SCML2: variants seen among roughly 807,000 people sequenced by gnomAD.
SCML2 encodes sex comb on midleg-like protein 2.
In SCML2, 6 loss-of-function variants were observed where a neutral mutation model predicts 48.4. The ratio of observed to expected loss-of-function variants is 0.12; its 90% CI spans 0.07 to 0.24. The LOEUF is 0.24. Among genes scored for constraint, SCML2 ranks in the 10% least tolerant of loss-of-function variants. The pLI, the probability that SCML2 is intolerant of heterozygous loss-of-function variation, is 1.00. For missense variants in SCML2, 377 were observed against 528.2 expected (o/e 0.71, Z 2.81); for synonymous variants, 181 against 189.5 (o/e 0.95, Z 0.37).
intron 7 of SCML2, among the ~76,000 whole-genome samples, chrX:18,276,404 T>C (rs1340403899): frequency 8.9e-6 from 1 of 111,770 alleles, no homozygotes; most frequent in Admixed American, 9.4e-5. Context: ...TGAAAAGACG[T>C]ACTCATATAT....
rs770888184 is a variant in SCML2 at position 18,337,305 on chromosome X, C to CAAA, written c.-24-3213_-24-3211dup. Among the ~76,000 whole-genome samples the CAAA allele has an allele frequency of 9.9e-4, 5 of 5,055 alleles. 1 individual carries two copies. Among genetic ancestry groups the CAAA allele is most frequent in the African/African-American group, 1.8e-3 (3 of 1,713 alleles). The allele number at this position is 5,055 out of a possible 115,157, so 4.4% of individuals were successfully genotyped here. On this transcript the variant is annotated intron_variant, in intron 1 of 14. Coordinates refer to ENST00000251900, the MANE Select transcript of SCML2 (RefSeq NM_006089.3). ...TGGGCGACAGAGCAAGACTCTGTCT[C>CAAA]AAAAAAAAAAAAAAAAAAAAAAAAA...
intron 7 of SCML2, among the ~76,000 whole-genome samples, chrX:18,302,150 T>C (rs1016238963): frequency 9.0e-6 from 1 of 110,898 alleles, no homozygotes; most frequent in Non-Finnish European, 1.9e-5. Context: ...TTTTCTTTTT[T>C]TTTTCTTTTT....
chrX:18,283,835 A>G (rs1010433909), intron 7 of SCML2, among the ~76,000 whole-genome samples: 4 of 112,510 alleles, frequency 3.6e-5, no homozygotes, highest in African/African-American at 9.7e-5. Context: ...TGGAAGACTC[A>G]ATATCATTAA....
At chrX:18,323,578 T>C (rs765632211) in intron 5 of SCML2, among the ~76,000 whole-genome samples, 26 of 111,711 alleles carry the variant, frequency 2.3e-4, no homozygotes, top group Non-Finnish European at 4.3e-4. Flanking sequence ...GCATATGTAA[T>C]CTAGTAGAGC....
At chrX:18,324,137 G>A (rs894827546) in intron 4 of SCML2, 44 bp from the exon 5 acceptor site, 7 of 850,112 alleles carry the variant, frequency 8.2e-6, no homozygotes, top group Non-Finnish European at 1.2e-5. Context: ...TCAACTATAA[G>A]AGAAGACACA....
chrX:18,266,848 A>T (rs1300545756), intron 7 of SCML2, among the ~76,000 whole-genome samples: 2 of 111,907 alleles, frequency 1.8e-5, no homozygotes, highest in African/African-American at 6.5e-5. Flanking sequence ...GGAACAGCCT[A>T]TCCTGAGCTG....
At chrX:18,244,297 TA>T (rs1419408960) in intron 13 of SCML2, among the ~76,000 whole-genome samples, 6 of 111,516 alleles carry the variant, frequency 5.4e-5, no homozygotes, top group African/African-American at 1.9e-4. Flanking sequence ...AGACACAACA[TA>T]ACATGAAAAA....
At chrX:18,290,592 C>T (rs143960337) in intron 7 of SCML2, among the ~76,000 whole-genome samples, 1,445 of 111,591 alleles carry the variant, frequency 0.013, 8 homozygotes, top group Middle Eastern at 0.037. Flanking sequence ...AAACTTTGAA[C>T]ATCCCATAAT....
At chrX:18,316,340 G>C (rs773712147) in intron 6 of SCML2, among the ~76,000 whole-genome samples, 317 of 111,944 alleles carry the variant, frequency 2.8e-3, no homozygotes, top group African/African-American at 9.7e-3. Context: ...AGTGAGCTGA[G>C]GTCACGCCAC....
intron 11 of SCML2, among the ~76,000 whole-genome samples, chrX:18,255,751 G>A (rs1490183327): frequency 8.9e-6 from 1 of 112,856 alleles, no homozygotes; most frequent in Non-Finnish European, 1.9e-5. Context: ...AGCTAGAGAC[G>A]TGGTACCCAC....
intron 1 of SCML2, among the ~76,000 whole-genome samples, chrX:18,337,370 A>C (rs1693994616): frequency 9.3e-6 from 1 of 107,121 alleles, no homozygotes; most frequent in Non-Finnish European, 1.9e-5. Context: ...AAAAAAAAAA[A>C]AACTTTAAAT....
chrX:18,247,735 C>A (rs1426372613), intron 12 of SCML2, 34 bp downstream of exon 12: 1 of 1,006,182 alleles, frequency 9.9e-7, no homozygotes, highest in Non-Finnish European at 1.4e-6. Flanking sequence ...AGAAACATTT[C>A]TTCCCAGTCC....
intron 5 of SCML2, 57 bp from the exon 6 acceptor site, chrX:18,320,477 A>C: frequency 1.4e-6 from 1 of 725,526 alleles, no homozygotes; most frequent in Non-Finnish European, 2.0e-6. Flanking sequence ...TACTATTAAC[A>C]AGTTGGTATA....
chrX:18,248,937 C>A (rs1256471304), intron 11 of SCML2, among the ~76,000 whole-genome samples: 2 of 111,848 alleles, frequency 1.8e-5, no homozygotes, highest in African/African-American at 6.5e-5. Context: ...GTATGGTCTA[C>A]TATCTGGGGC....
At chrX:18,283,989 C>A (rs1020751544) in intron 7 of SCML2, among the ~76,000 whole-genome samples, 1 of 111,897 alleles carries the variant, frequency 8.9e-6, no homozygotes, top group Non-Finnish European at 1.9e-5. Flanking sequence ...AGCAATCCTA[C>A]ACAAAAAAGA....
intron 6 of SCML2, among the ~76,000 whole-genome samples, chrX:18,315,456 C>T (rs772138479): frequency 9.0e-6 from 1 of 111,367 alleles, no homozygotes; most frequent in East Asian, 2.8e-4. Flanking sequence ...ACATTTCTAG[C>T]GGCTGTGTGA....
intron 7 of SCML2, among the ~76,000 whole-genome samples, chrX:18,269,833 C>G: frequency 9.0e-6 from 1 of 110,787 alleles, no homozygotes; most frequent in Non-Finnish European, 1.9e-5. Flanking sequence ...TAAATTGTAG[C>G]AAATAGTAAC....
intron 1 of SCML2, among the ~76,000 whole-genome samples, chrX:18,351,729 C>T (rs1366959310): frequency 1.8e-5 from 2 of 108,718 alleles, no homozygotes; most frequent in Non-Finnish European, 3.8e-5. Flanking sequence ...GAGGATACTG[C>T]TGTATCCACC....
At position 18,324,029 on chromosome X, in the gene SCML2, T is replaced by C. The variant is rs766427319; in HGVS notation, c.227A>G (p.Asn76Ser). ...CGTAGCAATACATACTGAAGTGGCA[T>C]TGCGAGGGTCACGGGCTTCCAATTT... ...GMKLEARDPR[N>S]ATSVCIATVI... The change falls in exon 5 of 15, where the codon AAT becomes AGT. Residue 76 changes from asparagine (N) to serine (S), a missense_variant. By Grantham distance (46) the Asn-to-Ser change is conservative. Around this residue, in one of 3 missense-constraint regions of SCML2, gnomAD observed 61 missense variants for 59.9 expected, o/e 1.02. Coordinates refer to ENST00000251900, the MANE Select transcript of SCML2 (RefSeq NM_006089.3). 56 of 1,209,076 alleles carry C rather than the reference T, an allele frequency of 4.6e-5. No individual in the cohort carries two copies. In the Admixed American group the frequency reaches 9.9e-4, roughly 21 times the overall value.
Sources: gnomAD v4.1 joint callset for allele counts (sites outside exome capture counted in the v4.1 genomes callset) on GRCh38, gnomAD v4.1.1 for gene constraint, gnomAD v4.1.1 regional missense constraint, MANE v1.5 for transcripts, NCBI Gene and HGNC (gene_info 2026-07-23, HGNC 2026-07-21) for gene names.